EML2: variants seen among roughly 807,000 people sequenced by gnomAD.
EML2 encodes EMAP like 2.
In EML2, 59 loss-of-function variants were observed where a neutral mutation model predicts 84.7. The ratio of observed to expected loss-of-function variants is 0.70; its 90% CI spans 0.56 to 0.86. The LOEUF (loss-of-function observed/expected upper bound fraction) is 0.86, where lower values mean the gene tolerates loss of function less well. Ranked by LOEUF, EML2 falls within the 40% of genes least tolerant of loss-of-function variation. The pLI, the probability that EML2 is intolerant of heterozygous loss-of-function variation, is 0.00. For missense variants in EML2, 818 were observed against 855.6 expected (o/e 0.96, Z 0.55); for synonymous variants, 352 against 348.9 (o/e 1.01, Z -0.10).
intron 18 of EML2, 97 bp from the exon 19 acceptor site, chr19:45,609,885 C>CT: frequency 7.2e-7 from 1 of 1,383,226 alleles, no homozygotes; most frequent in Non-Finnish European, 9.6e-7. Flanking sequence ...TCTGCTCTTC[C>CT]TCTTTTTTTT....
At chr19:45,621,457 C>A in intron 10 of EML2, 26 bp downstream of exon 10, 1 of 1,602,980 alleles carries the variant, frequency 6.2e-7, no homozygotes, top group East Asian at 2.2e-5. Flanking sequence ...TCTCTACCCC[C>A]ATCTGAGCCC....
At chr19:45,630,105 C>G (rs1972846534) in intron 6 of EML2, 59 bp from the exon 7 acceptor site, 1 of 1,262,236 alleles carries the variant, frequency 7.9e-7, no homozygotes, top group Admixed American at 1.8e-5. Context: ...CCATCCTCCC[C>G]CCATGCCCAC....
At position 45,619,094 on chromosome 19, in the gene EML2, T is replaced by A. The variant is rs1259421214; in HGVS notation, c.1220A>T (p.Asp407Val). 5 of 1,613,296 alleles carry A rather than the reference T, an allele frequency of 3.1e-6. No individual in the cohort carries two copies. Among genetic ancestry groups the A allele is most frequent in the Non-Finnish European group, 4.2e-6 (5 of 1,179,758 alleles). The change falls in exon 12 of 19, where the codon GAT (aspartate) becomes GTT (valine). Residue 407 changes from aspartate (D) to valine (V), a missense_variant. Transcript: ENST00000245925. Reference sequence around the variant, plus strand: ...CCTGCTCCACAGGGGCTGGTGGGAATCTGAGCTCCATAGATGCACCAGCTT... The same window carrying A: ...CCTGCTCCACAGGGGCTGGTGGGAAACTGAGCTCCATAGATGCACCAGCTT... ...QDKLVHLWSSDSHQPLWSRII... is the reference protein window; with the variant it reads ...QDKLVHLWSSVSHQPLWSRII...
At chr19:45,616,103 C>A (rs953570099) in intron 15 of EML2, 8 of 582,344 alleles carry the variant, frequency 1.4e-5, no homozygotes, top group African/African-American at 1.9e-5. Context: ...AGACAAAAAG[C>A]ACTTAGAACA....
upstream of EML2, chr19:45,639,543 ATCCCAGGT>A (rs1450373442): frequency 5.2e-6 from 3 of 576,066 alleles, no homozygotes; most frequent in Admixed American, 4.4e-5. Flanking sequence ...TGGACTCCCG[ATCCCAGGT>A]TCTTTCGGGG....
intron 3 of EML2, among the ~76,000 whole-genome samples, chr19:45,636,877 G>A (rs966778270): frequency 2.0e-5 from 3 of 152,276 alleles, no homozygotes; most frequent in African/African-American, 7.2e-5. Flanking sequence ...AACCCAGGAG[G>A]TGGAGGTTGC....
chr19:45,628,750 G>A (rs1418049449), intron 7 of EML2: 1 of 152,142 alleles, frequency 6.6e-6, no homozygotes, highest in Non-Finnish European at 1.5e-5. Flanking sequence ...TGGAACCTGG[G>A]AGGTGGAGGT....
intron 11 of EML2, 28 bp downstream of exon 11, chr19:45,621,179 G>C: frequency 6.2e-7 from 1 of 1,610,826 alleles, no homozygotes; most frequent in South Asian, 1.1e-5. Context: ...CTGGGAAGAG[G>C]GGAGGGGTGC....
chr19:45,611,035 G>A (rs972851802), intron 18 of EML2, among the ~76,000 whole-genome samples: 1 of 152,118 alleles, frequency 6.6e-6, no homozygotes, highest in Non-Finnish European at 1.5e-5. Flanking sequence ...GCACATCAGG[G>A]AAATATGAAT....
At chr19:45,610,622 G>T (rs760090218) in intron 18 of EML2, among the ~76,000 whole-genome samples, 20 of 152,102 alleles carry the variant, frequency 1.3e-4, no homozygotes, top group Non-Finnish European at 2.4e-4. Flanking sequence ...GAGATCACTT[G>T]AGGTCAGGAG....
chr19:45,639,447 G>A, upstream of EML2: 1 of 1,236,668 alleles, frequency 8.1e-7, no homozygotes, highest in Non-Finnish European at 1.0e-6. Flanking sequence ...GGCCCTGGGA[G>A]GCGCCCGGGC....
chr19:45,638,287 T>C (rs967402417), intron 3 of EML2, among the ~76,000 whole-genome samples: 4 of 152,216 alleles, frequency 2.6e-5, no homozygotes, highest in Admixed American at 6.5e-5. Flanking sequence ...CTTCCAGCCA[T>C]TCCCAACTCT....
intron 3 of EML2, among the ~76,000 whole-genome samples, chr19:45,636,830 C>T (rs1205453528): frequency 6.6e-6 from 1 of 152,238 alleles, no homozygotes; most frequent in Non-Finnish European, 1.5e-5. Flanking sequence ...CCCATGCCAC[C>T]CAGCTACTGT....
chr19:45,618,931 A>C, intron 12 of EML2, 129 bp downstream of exon 12: 1 of 1,080,732 alleles, frequency 9.3e-7, no homozygotes, highest in African/African-American at 1.6e-5. Context: ...TGGGTGACAG[A>C]GCGAGACTCC....
chr19:45,630,767 T>A (rs1972937953), intron 6 of EML2, among the ~76,000 whole-genome samples: 1 of 152,166 alleles, frequency 6.6e-6, no homozygotes, highest in South Asian at 2.1e-4. Context: ...ATCATCTCAT[T>A]TGCATTTACA....
chr19:45,643,590 G>T, upstream of EML2: 1 of 1,536,078 alleles, frequency 6.5e-7, no homozygotes, highest in Non-Finnish European at 8.7e-7. Flanking sequence ...CAGACTCATT[G>T]CTGACCACAA....
intron 3 of EML2, among the ~76,000 whole-genome samples, chr19:45,635,960 T>C (rs951405961): frequency 2.6e-5 from 4 of 152,012 alleles, no homozygotes; most frequent in African/African-American, 7.2e-5. Flanking sequence ...TTTGCAGATA[T>C]AATTATAGAT....
chr19:45,641,938 C>A, upstream of EML2: 1 of 1,442,824 alleles, frequency 6.9e-7, no homozygotes. Context: ...AGGTCGCCTC[C>A]TTCTTGGGAG....
chr19:45,643,722 C>T, upstream of EML2: 1 of 1,531,250 alleles, frequency 6.5e-7, no homozygotes, highest in Admixed American at 2.0e-5. Flanking sequence ...CTCTGGGCTC[C>T]GCAGTGCAGC....
Sources: allele counts gnomAD v4.1 joint callset (sites outside exome capture counted in the v4.1 genomes callset), GRCh38; gene constraint gnomAD v4.1.1; transcripts MANE v1.5; gene names NCBI Gene and HGNC (gene_info 2026-07-23, HGNC 2026-07-21).